MARCHF3: variants seen among roughly 807,000 people sequenced by gnomAD.
The protein encoded by MARCHF3 is membrane associated ring-CH-type finger 3, also known as E3 ubiquitin-protein ligase MARCHF3.
MARCHF3 carries 13 observed loss-of-function variants against 24.2 expected under a neutral mutation model. That is an observed-to-expected ratio of 0.54 (90% confidence interval 0.35 to 0.85). The LOEUF (loss-of-function observed/expected upper bound fraction) is 0.85. MARCHF3 is among the 40% of genes least tolerant of loss of function. The pLI, the probability that MARCHF3 is intolerant of heterozygous loss-of-function variation, is 0.01. For missense variants in MARCHF3, 276 were observed against 325.0 expected (o/e 0.85, Z 1.16); for synonymous variants, 144 against 137.3 (o/e 1.05, Z -0.34).
At chr5:126,902,363 C>T (rs1316718296) in intron 3 of MARCHF3, among the ~76,000 whole-genome samples, 2 of 152,104 alleles carry the variant, frequency 1.3e-5, no homozygotes, top group Non-Finnish European at 2.9e-5. Flanking sequence ...TGTTTTGCAT[C>T]TTTGTGTTTC....
chr5:126,896,563 A>T (rs1310002738), intron 3 of MARCHF3, among the ~76,000 whole-genome samples: 1 of 152,114 alleles, frequency 6.6e-6, no homozygotes, highest in Non-Finnish European at 1.5e-5. Flanking sequence ...CAACCATTAA[A>T]GAACCCAAGT....
intron 1 of MARCHF3, among the ~76,000 whole-genome samples, chr5:127,019,786 C>T (rs1317412477): frequency 2.6e-5 from 4 of 152,200 alleles, no homozygotes; most frequent in African/African-American, 9.6e-5. Context: ...CTGTTTATGT[C>T]AATTTGAGTT....
chr5:126,895,361 G>T (rs915954032), intron 3 of MARCHF3, among the ~76,000 whole-genome samples: 1 of 152,126 alleles, frequency 6.6e-6, no homozygotes, highest in Non-Finnish European at 1.5e-5. Context: ...GAGGAACTGC[G>T]TTCCTTTGGA....
chr5:126,994,503 G>A (rs1028168667), intron 1 of MARCHF3, among the ~76,000 whole-genome samples: 7 of 152,056 alleles, frequency 4.6e-5, no homozygotes, highest in African/African-American at 4.8e-5. Flanking sequence ...TGAATTTTAC[G>A]GCATGTCAGT....
intron 1 of MARCHF3, among the ~76,000 whole-genome samples, chr5:126,962,414 ATG>A (rs772315533): frequency 2.0e-5 from 3 of 151,646 alleles, no homozygotes; most frequent in African/African-American, 2.4e-5. Context: ...ATAATCATAT[ATG>A]TGTGTGTGTG....
chr5:126,910,773 G>T (rs1754492804), intron 3 of MARCHF3, among the ~76,000 whole-genome samples: 1 of 152,148 alleles, frequency 6.6e-6, no homozygotes, highest in South Asian at 2.1e-4. Flanking sequence ...CTTGAAAAAA[G>T]AACAGGATAA....
intron 1 of MARCHF3, among the ~76,000 whole-genome samples, chr5:127,013,133 C>T (rs1033572845): frequency 2.0e-5 from 3 of 152,178 alleles, no homozygotes; most frequent in African/African-American, 7.2e-5. Context: ...TGGAAAAGCA[C>T]ATGTTCCACT....
intron 3 of MARCHF3, among the ~76,000 whole-genome samples, chr5:126,893,813 G>A (rs1753777795): frequency 1.1e-5 from 1 of 92,866 alleles, no homozygotes; most frequent in African/African-American, 4.6e-5. Context: ...GGTCTGCTTG[G>A]TGCAGAGCTG....
intron 1 of MARCHF3, among the ~76,000 whole-genome samples, chr5:127,029,720 G>A (rs1753114899): frequency 6.6e-6 from 1 of 152,204 alleles, no homozygotes; most frequent in South Asian, 2.1e-4. Flanking sequence ...TGGTCCTAAC[G>A]AAGTCCTTCG....
chr5:126,990,861 C>T (rs1181537796), intron 1 of MARCHF3, among the ~76,000 whole-genome samples: 4 of 152,168 alleles, frequency 2.6e-5, no homozygotes, highest in African/African-American at 7.2e-5. Flanking sequence ...CCATCTCACA[C>T]CAATTAGAAT....
chr5:126,925,414 A>G (rs1443510188), intron 1 of MARCHF3, among the ~76,000 whole-genome samples: 1 of 152,150 alleles, frequency 6.6e-6, no homozygotes, highest in Non-Finnish European at 1.5e-5. Context: ...TTTTATTTAA[A>G]ATTACTGTAT....
In MARCHF3 at chr5:127,012,074, T is replaced by C. The variant is rs985409035; in HGVS notation, c.-57+18276A>G. The stretch of plus-strand genomic sequence containing the variant: ...GACATAGTGCTTGGGCCTCTAATCT[T>C]AGCTGTGACATTTCCTGTCTCATGT... On this transcript the variant is annotated intron_variant, in intron 1 of 4. Transcript: ENST00000308660. 2.0e-5 allele frequency among the ~76,000 whole-genome samples: 3 copies of C among 152,220 alleles called. No homozygotes were observed. The East Asian group carries it at 5.8e-4, about 29-fold the overall frequency.
At chr5:126,989,476 T>G (rs1277634706) in intron 1 of MARCHF3, among the ~76,000 whole-genome samples, 1 of 152,016 alleles carries the variant, frequency 6.6e-6, no homozygotes, top group African/African-American at 2.4e-5. Flanking sequence ...AGAAGAAAAT[T>G]AAGCAACAAT....
intron 1 of MARCHF3, among the ~76,000 whole-genome samples, chr5:126,960,447 T>A (rs1434924086): frequency 6.6e-6 from 1 of 152,172 alleles, no homozygotes; most frequent in African/African-American, 2.4e-5. Flanking sequence ...GTTGTATCAA[T>A]ATTTGCAAAT....
chr5:126,895,506 CTGTT>C (rs1753852758), intron 3 of MARCHF3, among the ~76,000 whole-genome samples: 2 of 152,066 alleles, frequency 1.3e-5, no homozygotes, highest in African/African-American at 2.4e-5. Context: ...GATGTCCTTT[CTGTT>C]TGTTAGTTTT....
chr5:126,884,542 C>CT (rs1466334465), intron 3 of MARCHF3, among the ~76,000 whole-genome samples: 4 of 152,224 alleles, frequency 2.6e-5, no homozygotes, highest in Non-Finnish European at 4.4e-5. Context: ...CAAAACAGAA[C>CT]TCCTGATTAG....
chr5:126,976,080 TCTC>T lies in MARCHF3; in HGVS notation c.-57+54267_-57+54269del, dbSNP rs1751186038. ...CTTTTTTTCCTACTTAGGATAATGT[TCTC>T]CTGCTATCACCCAGGGAATGACATA... On this transcript the variant is annotated intron_variant, in intron 1 of 4. Transcript: ENST00000308660. Among the ~76,000 whole-genome samples the T allele has an allele frequency of 3.3e-5, 5 of 152,336 alleles. No individual in the cohort carries two copies. In the South Asian group the frequency reaches 1.0e-3, roughly 32 times the overall value.
At chr5:126,983,630 C>T (rs1751463851) in intron 1 of MARCHF3, among the ~76,000 whole-genome samples, 2 of 152,132 alleles carry the variant, frequency 1.3e-5, no homozygotes, top group South Asian at 4.1e-4. Context: ...AACCTTGCTA[C>T]CAATTTATGA....
At chr5:126,940,835 A>G (rs1749803950) in intron 1 of MARCHF3, among the ~76,000 whole-genome samples, 1 of 152,024 alleles carries the variant, frequency 6.6e-6, no homozygotes, top group Non-Finnish European at 1.5e-5. Flanking sequence ...AGCTATGTAT[A>G]TATTTGTGGA....
Sources: gnomAD v4.1 joint callset for allele counts (sites outside exome capture counted in the v4.1 genomes callset) on GRCh38, gnomAD v4.1.1 for gene constraint, MANE v1.5 for transcripts, NCBI Gene and HGNC (gene_info 2026-07-23, HGNC 2026-07-21) for gene names.